The following RPH3A variants were observed in gnomAD, a reference collection of about 807,000 sequenced individuals.
The protein encoded by RPH3A is rabphilin 3A.
RPH3A carries 48 observed loss-of-function variants against 102.2 expected under a neutral mutation model. The observed-to-expected ratio is 0.47, with a 90% CI of 0.37 to 0.60. RPH3A has a LOEUF of 0.60. Among genes scored for constraint, RPH3A ranks in the 20% least tolerant of loss-of-function variants. The pLI, the probability that RPH3A is intolerant of heterozygous loss-of-function variation, is 0.00. For missense variants in RPH3A, 781 were observed against 910.1 expected (o/e 0.86, Z 1.83); for synonymous variants, 310 against 324.3 (o/e 0.96, Z 0.47).
At chr12:112,817,341 C>T (rs934193309) in intron 2 of RPH3A, among the ~76,000 whole-genome samples, 1 of 152,106 alleles carries the variant, frequency 6.6e-6, no homozygotes, top group African/African-American at 2.4e-5. Context: ...ATTGCAGCCT[C>T]TGAACCCTGT....
intron 21 of RPH3A, 67 bp downstream of exon 21, chr12:112,895,940 A>T (rs534926371): frequency 9.3e-7 from 1 of 1,071,346 alleles, no homozygotes; most frequent in Non-Finnish European, 1.4e-6. Context: ...AGCCTTATCC[A>T]GGGCTACAGA....
chr12:112,785,769 C>T (rs901583694), intron 1 of RPH3A, among the ~76,000 whole-genome samples: 6 of 152,168 alleles, frequency 3.9e-5, no homozygotes, highest in African/African-American at 1.4e-4. Context: ...CAGATTTGAA[C>T]ACTGGCAGCC....
intron 1 of RPH3A, among the ~76,000 whole-genome samples, chr12:112,576,471 G>A (rs2039359744): frequency 6.6e-6 from 1 of 152,126 alleles, no homozygotes; most frequent in South Asian, 2.1e-4. Context: ...CACCCGTCTC[G>A]GCCTCCCAAA....
At chr12:112,652,228 C>T (rs2039979564) in intron 1 of RPH3A, among the ~76,000 whole-genome samples, 2 of 152,104 alleles carry the variant, frequency 1.3e-5, no homozygotes, top group South Asian at 4.2e-4. Flanking sequence ...ATAATCCCAG[C>T]ACTTTGAGAG....
chr12:112,671,764 A>G (rs1013924065), intron 1 of RPH3A, among the ~76,000 whole-genome samples: 1 of 152,004 alleles, frequency 6.6e-6, no homozygotes, highest in South Asian at 2.1e-4. Context: ...ATTACAGAGT[A>G]GCAGAGAGTA....
chr12:112,744,289 TG>T (rs1246732220), intron 1 of RPH3A, among the ~76,000 whole-genome samples: 1 of 152,176 alleles, frequency 6.6e-6, no homozygotes, highest in African/African-American at 2.4e-5. Flanking sequence ...TTGGCCTGGC[TG>T]GTCTCAAACT....
chr12:112,699,463 C>A (rs755169646), intron 1 of RPH3A, among the ~76,000 whole-genome samples: 8 of 152,126 alleles, frequency 5.3e-5, no homozygotes, highest in Non-Finnish European at 1.2e-4. Flanking sequence ...AAGAAATAAA[C>A]CACTGATGCA....
intron 1 of RPH3A, among the ~76,000 whole-genome samples, chr12:112,601,851 G>A (rs547633912): frequency 2.0e-5 from 3 of 152,282 alleles, no homozygotes; most frequent in Non-Finnish European, 2.9e-5. Context: ...TGAGGTAGGA[G>A]GATTGCTTGA....
intron 1 of RPH3A, among the ~76,000 whole-genome samples, chr12:112,745,757 G>C (rs1162193593): frequency 1.3e-5 from 2 of 152,136 alleles, no homozygotes; most frequent in African/African-American, 4.8e-5. Context: ...AGGAGTGAGT[G>C]GGGAGTCTGA....
rs1565882471 is a variant in RPH3A at position 112,791,901 on chromosome 12, A to AGAGAGAGAGAGAGACT, written c.-247_-246insGAGAGAGAGACTGAGA. 1 of 150,932 alleles carries AGAGAGAGAGAGAGACT rather than the reference A, an allele frequency of 6.6e-6. No individual in the cohort carries two copies. The highest frequency in any genetic ancestry group is 2.5e-5 in the African/African-American group (1 of 40,658). 9.3% of individuals were successfully genotyped at this position (150,932 alleles called of 1,614,324 possible). On this transcript the variant is annotated 5_prime_UTR_variant, in exon 1 of 22. Coordinates refer to ENST00000389385, the MANE Select transcript of RPH3A (RefSeq NM_001143854.2). Reference sequence around the variant, plus strand: ...GAGAGAGAGAGAGAGAGAGAGAGAGAGAGACTCACAGAGCTAAAACCTTCA... The same window carrying AGAGAGAGAGAGAGACT: ...GAGAGAGAGAGAGAGAGAGAGAGAGAGAGAGAGAGAGAGACTGAGACTCACAGAGCTAAAACCTTCA...
intron 3 of RPH3A, among the ~76,000 whole-genome samples, chr12:112,833,730 GT>G (rs71445581): frequency 0.38 from 54,599 of 143,528 alleles, 11,006 homozygotes; most frequent in African/African-American, 0.56. Flanking sequence ...ATAATTTCAT[GT>G]TTTTTTTTTT....
intron 13 of RPH3A, among the ~76,000 whole-genome samples, chr12:112,877,419 T>TAC (rs3038114): frequency 0.037 from 5,228 of 141,600 alleles, 153 homozygotes; most frequent in African/African-American, 0.079. Flanking sequence ...CACACACGTA[T>TAC]ACACACACAC....
Position 112,713,063 on chromosome 12 carries a change from T to C in RPH3A, c.-139-79080T>C, listed in dbSNP as rs533147758. On this transcript the variant is annotated intron_variant, in intron 1 of 21. Transcript: ENST00000543106. Reference sequence around the variant, plus strand: ...TTCTTCTTCTTCTCCTTCTTCTTCTTCTTCTTCTTCTTCTTCTTCTTCTTC... The same window carrying C: ...TTCTTCTTCTTCTCCTTCTTCTTCTCCTTCTTCTTCTTCTTCTTCTTCTTC... 1.2e-3 allele frequency among the ~76,000 whole-genome samples: 133 copies of C among 113,878 alleles called. 1 individual carries two copies. Among genetic ancestry groups the C allele is most frequent in the Admixed American group, 1.9e-3 (19 of 9,880 alleles). The allele number at this position is 113,878 out of a possible 152,430, so 74.7% of individuals were successfully genotyped here.
intron 16 of RPH3A, among the ~76,000 whole-genome samples, chr12:112,887,103 C>T (rs1395966207): frequency 6.6e-6 from 1 of 152,160 alleles, no homozygotes; most frequent in Non-Finnish European, 1.5e-5. Flanking sequence ...GAAGTTTCTA[C>T]TGAAGCTAAA....
chr12:112,790,119 C>T (rs997040258), upstream of RPH3A, among the ~76,000 whole-genome samples: 1 of 151,768 alleles, frequency 6.6e-6, no homozygotes, highest in Non-Finnish European at 1.5e-5. Context: ...TGTAATGGTG[C>T]AACCTCGGCT....
chr12:112,887,761 C>T (rs745632599), intron 16 of RPH3A, 36 bp from the exon 17 acceptor site: 1 of 1,605,170 alleles, frequency 6.2e-7, no homozygotes, highest in Non-Finnish European at 8.5e-7. Flanking sequence ...AATATTTGTT[C>T]CTGTTTCTCT....
chr12:112,587,864 T>C (rs1426795676), intron 1 of RPH3A, among the ~76,000 whole-genome samples: 1 of 152,158 alleles, frequency 6.6e-6, no homozygotes, highest in Non-Finnish European at 1.5e-5. Flanking sequence ...ATGGATATAA[T>C]CACTTAGCAG....
chr12:112,604,215 T>C (rs2039578181), intron 1 of RPH3A, among the ~76,000 whole-genome samples: 1 of 152,236 alleles, frequency 6.6e-6, no homozygotes, highest in South Asian at 2.1e-4. Context: ...TGTGTGCTTA[T>C]CAATTTGCTA....
At chr12:112,772,673 A>G (rs1025681566) in intron 1 of RPH3A, among the ~76,000 whole-genome samples, 4 of 152,064 alleles carry the variant, frequency 2.6e-5, no homozygotes, top group African/African-American at 9.7e-5. Flanking sequence ...TAGTAGTAGT[A>G]TTGTCATTTG....
Sources: allele counts gnomAD v4.1 joint callset (sites outside exome capture counted in the v4.1 genomes callset), GRCh38; gene constraint gnomAD v4.1.1; transcripts MANE v1.5; gene names NCBI Gene and HGNC (gene_info 2026-07-23, HGNC 2026-07-21).